Variants in DIAPH2 observed in about 807,000 individuals in gnomAD.
DIAPH2 encodes the protein protein diaphanous homolog 2.
In DIAPH2, 35 loss-of-function variants were observed where a neutral mutation model predicts 92.7. The observed-to-expected ratio is 0.38, with a 90% CI of 0.29 to 0.50. DIAPH2 has a LOEUF of 0.50. DIAPH2 is among the 20% of genes least tolerant of loss of function. The probability of loss-of-function intolerance (pLI) is 0.94; values close to 1 mark genes in which losing one functional copy is unlikely to be tolerated. For missense variants in DIAPH2, 701 were observed against 819.5 expected (o/e 0.86, Z 1.77); for synonymous variants, 301 against 280.4 (o/e 1.07, Z -0.73).
At chrX:97,353,611 A>C (rs1380672549) in intron 24 of DIAPH2, among the ~76,000 whole-genome samples, 1 of 110,941 alleles carries the variant, frequency 9.0e-6, no homozygotes, top group East Asian at 2.8e-4. Context: ...TATTAGATTC[A>C]TTGACATAAC....
At chrX:96,710,558 T>A (rs1348272897) in intron 1 of DIAPH2, among the ~76,000 whole-genome samples, 1 of 111,493 alleles carries the variant, frequency 9.0e-6, no homozygotes, top group Non-Finnish European at 1.9e-5. Context: ...AAATTTACAT[T>A]TTTCTCTTTT....
chrX:97,478,896 TA>T (rs1483058934), intron 26 of DIAPH2, among the ~76,000 whole-genome samples: 1 of 111,861 alleles, frequency 8.9e-6, no homozygotes, highest in East Asian at 2.8e-4. Context: ...CATTGTTCTT[TA>T]ACTCTAGTGA....
At chrX:97,284,409 G>A (rs1403985235) in intron 23 of DIAPH2, among the ~76,000 whole-genome samples, 4 of 110,499 alleles carry the variant, frequency 3.6e-5, no homozygotes, top group Non-Finnish European at 5.7e-5. Context: ...TCGGAAGTTC[G>A]AGACCAGCCT....
intron 22 of DIAPH2, among the ~76,000 whole-genome samples, chrX:97,166,942 A>G (rs1275451164): frequency 8.9e-6 from 1 of 112,539 alleles, no homozygotes; most frequent in Admixed American, 9.4e-5. Context: ...TTACATAAAC[A>G]GAATTGTAAA....
chrX:97,195,812 T>G (rs1306140860), intron 22 of DIAPH2, among the ~76,000 whole-genome samples: 1 of 108,094 alleles, frequency 9.3e-6, no homozygotes, highest in African/African-American at 3.4e-5. Flanking sequence ...CAAATAACAT[T>G]ATGTTGTTAA....
At chrX:96,796,299 C>G (rs1028986497) in intron 4 of DIAPH2, among the ~76,000 whole-genome samples, 9 of 111,113 alleles carry the variant, frequency 8.1e-5, no homozygotes, top group South Asian at 3.8e-4. Flanking sequence ...CCTGCCTCAG[C>G]CTCCCGAGTA....
intron 3 of DIAPH2, among the ~76,000 whole-genome samples, chrX:96,745,960 T>TTGTATCA (rs1346773512): frequency 8.9e-6 from 1 of 112,163 alleles, no homozygotes; most frequent in Non-Finnish European, 1.9e-5. Flanking sequence ...GTTGTCCAGG[T>TTGTATCA]TGTATCATGG....
At chrX:96,987,520 T>G (rs1393442666) in intron 17 of DIAPH2, among the ~76,000 whole-genome samples, 2 of 111,433 alleles carry the variant, frequency 1.8e-5, no homozygotes, top group African/African-American at 6.5e-5. Flanking sequence ...CTTTCTGTAT[T>G]TTAGGCCCTG....
intron 23 of DIAPH2, among the ~76,000 whole-genome samples, chrX:97,263,145 T>A (rs1357328954): frequency 3.6e-5 from 4 of 112,426 alleles, no homozygotes; most frequent in Non-Finnish European, 7.5e-5. Context: ...TACTTTGTTA[T>A]TTGTTAGGAT....
chrX:97,312,471 T>C (rs1178654799), intron 23 of DIAPH2, among the ~76,000 whole-genome samples: 1 of 99,313 alleles, frequency 1.0e-5, no homozygotes, highest in Non-Finnish European at 2.0e-5. Flanking sequence ...TGCCTCAGCC[T>C]CCCGAGTAGC....
chrX:97,373,144 G>A (rs2069464330), intron 24 of DIAPH2, among the ~76,000 whole-genome samples: 1 of 111,943 alleles, frequency 8.9e-6, no homozygotes, highest in Admixed American at 9.5e-5. Flanking sequence ...GGAATATTGA[G>A]CTATGTCAGT....
chrX:97,204,019 T>A (rs1157320132), intron 22 of DIAPH2, among the ~76,000 whole-genome samples: 3 of 112,076 alleles, frequency 2.7e-5, no homozygotes, highest in African/African-American at 9.7e-5. Flanking sequence ...TGGTTCAATA[T>A]ATGCAAATCA....
intron 26 of DIAPH2, among the ~76,000 whole-genome samples, chrX:97,590,801 C>G (rs2071512205): frequency 1.8e-5 from 2 of 111,715 alleles, no homozygotes; most frequent in African/African-American, 3.3e-5. Flanking sequence ...AACAATAGAA[C>G]CTCTTCGGAA....
intron 22 of DIAPH2, among the ~76,000 whole-genome samples, chrX:97,176,752 C>T (rs1244281744): frequency 2.7e-5 from 3 of 111,367 alleles, no homozygotes; most frequent in Admixed American, 1.9e-4. Context: ...TGGTCTTGAT[C>T]TCCTGACCTC....
intron 26 of DIAPH2, among the ~76,000 whole-genome samples, chrX:97,438,121 TAAA>T (rs762607670): frequency 2.4e-5 from 2 of 83,921 alleles, no homozygotes; most frequent in Non-Finnish European, 2.4e-5. Context: ...ACCCTCTCTT[TAAA>T]AAAAAAAAAA....
intron 4 of DIAPH2, among the ~76,000 whole-genome samples, chrX:96,772,037 C>CA (rs199782764): frequency 0.033 from 3,346 of 101,626 alleles, 140 homozygotes; most frequent in African/African-American, 0.11. Flanking sequence ...GACCCTGTCT[C>CA]AAAAAAAAAA....
In DIAPH2 at chrX:96,758,204, C is replaced by G. The variant is rs756902044; in HGVS notation, c.393C>G (p.Asp131Glu). 5 of 1,206,164 alleles carry G rather than the reference C, an allele frequency of 4.1e-6. No homozygotes were observed. Among genetic ancestry groups the G allele is most frequent in the Non-Finnish European group, 4.5e-6 (4 of 893,351 alleles). ...EEKKAPLRNK[D>E]FTTKREMVVQ... ...AAAAAGCTCCTTTACGAAACAAAGA[C>G]TTTACCACCAAACGTGAGATGGTTG... The change falls in exon 4 of 27, where the codon GAC becomes GAG. Residue 131 changes from aspartate (D) to glutamate (E), a missense_variant. Asp to Glu is a conservative substitution (Grantham distance 45). This residue lies in a region of DIAPH2 where 131 missense variants were observed against 145.6 expected (regional missense o/e 0.90). Coordinates refer to ENST00000324765, the MANE Select transcript of DIAPH2 (RefSeq NM_006729.5).
At chrX:96,798,906 C>T (rs1005730349) in intron 4 of DIAPH2, among the ~76,000 whole-genome samples, 1 of 111,280 alleles carries the variant, frequency 9.0e-6, no homozygotes, top group Non-Finnish European at 1.9e-5. Flanking sequence ...AAATGTCTCT[C>T]GGTCCTGTGT....
intron 17 of DIAPH2, among the ~76,000 whole-genome samples, chrX:96,967,829 G>A (rs967902565): frequency 5.4e-5 from 6 of 111,483 alleles, no homozygotes; most frequent in East Asian, 2.8e-4. Flanking sequence ...CCTTGTCTTC[G>A]CTATTGTAAA....
Sources: gnomAD v4.1 joint callset for allele counts (sites outside exome capture counted in the v4.1 genomes callset) on GRCh38, gnomAD v4.1.1 for gene constraint, gnomAD v4.1.1 regional missense constraint, MANE v1.5 for transcripts, NCBI Gene and HGNC (gene_info 2026-07-23, HGNC 2026-07-21) for gene names.